The following FAM133B variants were observed in gnomAD, a reference collection of about 807,000 sequenced individuals.
FAM133B encodes the protein protein FAM133B.
Under a neutral mutation model 46.4 loss-of-function variants are expected in FAM133B, and 25 were observed. That is an observed-to-expected ratio of 0.54 (90% CI 0.39 to 0.75). The LOEUF (loss-of-function observed/expected upper bound fraction) is 0.75, where lower values mean the gene tolerates loss of function less well. FAM133B is among the 30% of genes least tolerant of loss of function. FAM133B has a pLI of 0.00. For missense variants in FAM133B, 205 were observed against 277.6 expected, an observed-to-expected ratio of 0.74 and a Z score of 1.86; for synonymous variants, 75 against 86.0, an observed-to-expected ratio of 0.87 and a Z score of 0.71.
In FAM133B at chr7:92,566,057, C is replaced by T. The variant is rs779950514; in HGVS notation, c.614G>A (p.Arg205Gln). The change falls in exon 10 of 11, where the codon CGA becomes CAA. Residue 205 changes from arginine to glutamine, a missense_variant. Physicochemically the swap from Arg to Gln is conservative, Grantham distance 43. Coordinates refer to ENST00000445716, the MANE Select transcript of FAM133B (RefSeq NM_152789.4). Reference protein sequence around the residue: ...LSESEYIEEVRAKKKKSSEER... With the variant: ...LSESEYIEEVQAKKKKSSEER... ...TTCACTGCTTTTCTTCTTTTTTGCT[C>T]GCACCTAGAAAGTTTAAATTTTTGT... The T allele has an allele frequency of 3.1e-5, 50 of 1,613,210 alleles. No homozygotes were observed. Among genetic ancestry groups the T allele is most frequent in the African/African-American group, 1.9e-4 (14 of 74,862 alleles).
At position 92,584,664 on chromosome 7, in the gene FAM133B, G is replaced by A. The variant is rs547236802; in HGVS notation, c.25-3061C>T. ...TATTGTTATATTTTTTGTATAAACT[G>A]TTATACCCTCAAATATTTCATTCAA... On this transcript the variant is annotated intron_variant, in intron 1 of 10. Transcript: ENST00000445716. Among the ~76,000 whole-genome samples the A allele has an allele frequency of 2.1e-4, 32 of 152,316 alleles. No homozygotes were observed. The South Asian group carries it at 6.2e-3, about 30-fold the overall frequency.
At chr7:92,563,652 T>G (rs900726485) in intron 10 of FAM133B, among the ~76,000 whole-genome samples, 3 of 152,194 alleles carry the variant, frequency 2.0e-5, no homozygotes, top group African/African-American at 7.2e-5. Flanking sequence ...AGTGCCTCAT[T>G]AACAGCTCTA....
rs1250157977 is a variant in FAM133B, at chr7:92,580,036, G to GTT, written c.123-642_123-641insAA. Among the ~76,000 whole-genome samples, 4 of 152,202 alleles carry GTT rather than the reference G, an allele frequency of 2.6e-5. No individual in the cohort carries two copies. In the East Asian group the frequency reaches 7.7e-4, roughly 29 times the overall value. On this transcript the variant is annotated intron_variant, in intron 2 of 10. Transcript: ENST00000445716. ...TCCTAAAACTGTTTGTACAAACAAT[G>GTT]TAGTTCAAGCTAAATACCTGTTTTC...
chr7:92,565,179 C>T (rs1794304370), intron 10 of FAM133B, among the ~76,000 whole-genome samples: 1 of 141,766 alleles, frequency 7.1e-6, no homozygotes. Flanking sequence ...AAGACGGAGT[C>T]TTGCTCTGTT....
At chr7:92,563,833 A>G (rs1794229908) in intron 10 of FAM133B, among the ~76,000 whole-genome samples, 1 of 152,188 alleles carries the variant, frequency 6.6e-6, no homozygotes, top group South Asian at 2.1e-4. Flanking sequence ...CCGCATTCAA[A>G]GTACCAAGCA....
intron 9 of FAM133B, among the ~76,000 whole-genome samples, 161 bp from the exon 10 acceptor site, chr7:92,566,222 G>C (rs1455221645): frequency 1.3e-5 from 2 of 151,986 alleles, no homozygotes; most frequent in African/African-American, 4.8e-5. Context: ...ATCTCAATGA[G>C]GTTTCAATAA....
chr7:92,564,325 C>T (rs985870711), intron 10 of FAM133B, among the ~76,000 whole-genome samples: 6 of 152,160 alleles, frequency 3.9e-5, no homozygotes, highest in Admixed American at 6.5e-5. Context: ...ATCTCTCTCA[C>T]GTATCATATT....
chr7:92,572,452 G>T (rs1005451530), intron 8 of FAM133B, among the ~76,000 whole-genome samples: 3 of 152,232 alleles, frequency 2.0e-5, no homozygotes, highest in Non-Finnish European at 4.4e-5. Flanking sequence ...GGGCGCGGTG[G>T]CTCACACCTG....
chr7:92,562,434 A>G (rs2116368449), intron 10 of FAM133B, 66 bp from the exon 11 acceptor site: 3 of 1,496,058 alleles, frequency 2.0e-6, no homozygotes, highest in East Asian at 5.0e-5. Context: ...CATCTTTACC[A>G]TGCTTCTAAG....
rs186929611 is a variant in FAM133B, at chr7:92,579,249, A to G, written c.201+68T>C. On this transcript the variant is annotated intron_variant, in intron 3 of 10. Transcript: ENST00000445716. ...CCGTTTCGGCCTCCCAAAGTGCTGG[A>G]ATTATAGGTATGAGCCACCATAACT... 1,229 of 1,388,638 alleles carry G rather than the reference A, an allele frequency of 8.9e-4. 3 individuals carry two copies. In the Middle Eastern group the frequency reaches 0.011, roughly 12 times the overall value. 86.0% of individuals were successfully genotyped at this position (1,388,638 alleles called of 1,614,324 possible). A position where few individuals can be genotyped will look rare whatever the true frequency, so the allele number is the denominator to read the frequency against.
rs139081256 is a variant in FAM133B, at chr7:92,563,234, CCT to C, written c.658-868_658-867del. ...TATCTATCAGCACTATCTACTCTCC[CCT>C]CTCTCAAAGGCCTCTACCACTCTGT... On this transcript the variant is annotated intron_variant, in intron 10 of 10. Transcript: ENST00000445716. Among the ~76,000 whole-genome samples the C allele has an allele frequency of 4.0e-3, 608 of 152,124 alleles. 3 individuals carry two copies. The highest frequency in any genetic ancestry group is 0.014 in the African/African-American group (591 of 41,472).
At chr7:92,582,293 C>CATAACATAACATAACATAA (rs1554390068) in intron 1 of FAM133B, among the ~76,000 whole-genome samples, 11,881 of 140,456 alleles carry the variant, frequency 0.085, 548 homozygotes, top group East Asian at 0.14. Flanking sequence ...CATAACATAA[C>CATAACATAACATAACATAA]ATAACATAAA....
chr7:92,590,369 C>T lies in FAM133B; in HGVS notation c.-78G>A, dbSNP rs115850420. 2,140 of 1,600,378 alleles carry T rather than the reference C, an allele frequency of 1.3e-3. 29 individuals are homozygous for T. In the African/African-American group the frequency reaches 0.026, roughly 19 times the overall value. ...CTGCCGAAGAGGGCCTGCCGCAGGT[C>T]CTCTTGCCGCCTCCCCACTCCGCCT... On this transcript the variant is annotated 5_prime_UTR_variant, in exon 1 of 11. Transcript: ENST00000445716.
chr7:92,570,566 G>T (rs571785368), intron 8 of FAM133B, among the ~76,000 whole-genome samples: 1 of 152,154 alleles, frequency 6.6e-6, no homozygotes, highest in African/African-American at 2.4e-5. Flanking sequence ...GGATATGCTG[G>T]TTATCATTTT....
chr7:92,562,551 G>A (rs758135448), intron 10 of FAM133B, among the ~76,000 whole-genome samples, 183 bp from the exon 11 acceptor site: 2 of 152,036 alleles, frequency 1.3e-5, no homozygotes, highest in Non-Finnish European at 2.9e-5. Context: ...AGTTCTTGTC[G>A]ATTTTCAAAA....
At chr7:92,586,374 C>T (rs1226378525) in intron 1 of FAM133B, among the ~76,000 whole-genome samples, 1 of 152,186 alleles carries the variant, frequency 6.6e-6, no homozygotes, top group Admixed American at 6.5e-5. Context: ...AAACTATGCA[C>T]AACAGAAAGC....
In FAM133B at chr7:92,562,349, T is replaced by G; in HGVS notation, c.677A>C (p.Lys226Thr). 6.5e-7 allele frequency: 1 copy of G among 1,533,004 alleles called. No individual in the cohort carries two copies. Among genetic ancestry groups the G allele is most frequent in the Non-Finnish European group, 8.7e-7 (1 of 1,144,942 alleles). The allele number at this position is 1,533,004 out of a possible 1,614,324, so 95.0% of individuals were successfully genotyped here. Residue 226 changes from lysine to threonine, a missense_variant, in exon 11 of 11, where the codon AAG becomes ACG. By Grantham distance (78) the Lys-to-Thr change is moderately conservative (BLOSUM62 -1). Transcript: ENST00000445716. The stretch of plus-strand genomic sequence containing the variant: ...CTTCTTACTGTGTTTCTTATGCTTC[T>G]TTTTCTTTTTTGTTTTTTCCTGTAA... ...EKATEKTKKK[K>T]KHKKHSKKKK...
At position 92,577,695 on chromosome 7, in the gene FAM133B, C is replaced by T. The variant is rs1440492039; in HGVS notation, c.332G>A (p.Ser111Asn). The change falls in exon 6 of 11, where the codon AGC (serine) becomes AAC (asparagine). Residue 111 changes from serine to asparagine, a missense_variant. Physicochemically the swap from Ser to Asn is conservative, Grantham distance 46. Coordinates refer to ENST00000445716, the MANE Select transcript of FAM133B (RefSeq NM_152789.4). The part of the protein sequence containing the change: ...SGRYSSSSSS[S>N]SDSSSSSSDS... ...AGAAGAACTGCTGGAAGAATCAGAG[C>T]TTGATGAAGAAGAAGATGAATACTT... is the stretch of plus-strand genomic sequence containing the variant. The T allele has an allele frequency of 1.0e-5, 16 of 1,583,782 alleles. No individual in the cohort carries two copies. Among genetic ancestry groups the T allele is most frequent in the Non-Finnish European group, 1.3e-5 (15 of 1,163,958 alleles).
chr7:92,588,590 C>T (rs1305868654), intron 1 of FAM133B, among the ~76,000 whole-genome samples: 3 of 152,170 alleles, frequency 2.0e-5, no homozygotes, highest in Non-Finnish European at 4.4e-5. Context: ...AAAGACTATA[C>T]AGAACTACAA....
Sources: allele counts gnomAD v4.1 joint callset (sites outside exome capture counted in the v4.1 genomes callset), GRCh38; gene constraint gnomAD v4.1.1; transcripts MANE v1.5; gene names NCBI Gene and HGNC (gene_info 2026-07-23, HGNC 2026-07-21).